The following PTPRO variants were observed in gnomAD, a reference collection of about 807,000 sequenced individuals.
PTPRO encodes protein tyrosine phosphatase receptor type O.
In PTPRO, 62 loss-of-function variants were observed where a neutral mutation model predicts 145.2. That is an observed-to-expected ratio of 0.43 (90% CI 0.35 to 0.53). The LOEUF (loss-of-function observed/expected upper bound fraction) is 0.53, where lower values mean the gene tolerates loss of function less well. Among genes scored for constraint, PTPRO ranks in the 20% least tolerant of loss-of-function variants. The pLI is 0.01. For missense variants in PTPRO, 1,345 were observed against 1,482.7 expected (o/e 0.91, Z 1.53); for synonymous variants, 565 against 514.7 (o/e 1.10, Z -1.32).
At chr12:15,369,220 C>T (rs1007175401) in intron 1 of PTPRO, among the ~76,000 whole-genome samples, 2 of 152,056 alleles carry the variant, frequency 1.3e-5, no homozygotes, top group African/African-American at 4.8e-5. Context: ...CAAGAAGGAA[C>T]GATTTCTTTG....
At chr12:15,422,089 A>C (rs966166426) in intron 1 of PTPRO, among the ~76,000 whole-genome samples, 1 of 152,194 alleles carries the variant, frequency 6.6e-6, no homozygotes, top group Admixed American at 6.5e-5. Context: ...GAATTGCTAA[A>C]TGAAACTTTG....
chr12:15,559,245 A>G (rs560189426), intron 16 of PTPRO, among the ~76,000 whole-genome samples: 1 of 152,340 alleles, frequency 6.6e-6, no homozygotes, highest in African/African-American at 2.4e-5. Context: ...GGATCTTTCT[A>G]TAAAATCAAG....
intron 6 of PTPRO, among the ~76,000 whole-genome samples, chr12:15,506,016 C>T (rs1942314195): frequency 6.6e-6 from 1 of 152,166 alleles, no homozygotes; most frequent in African/African-American, 2.4e-5. Context: ...AGTGACTTCC[C>T]CAAGTGTCAA....
intron 25 of PTPRO, 21 bp downstream of exon 25, chr12:15,589,611 T>C (rs1319921737): frequency 3.7e-6 from 6 of 1,613,454 alleles, no homozygotes; most frequent in Non-Finnish European, 4.2e-6. Context: ...AATCTATATG[T>C]ATTTTTAAAT....
At chr12:15,465,336 A>T (rs2136404387) in intron 1 of PTPRO, among the ~76,000 whole-genome samples, 1 of 152,376 alleles carries the variant, frequency 6.6e-6, no homozygotes. Flanking sequence ...TGAAATGAAG[A>T]TGAACGTGCA....
At chr12:15,549,367 A>G (rs2135556287) in intron 14 of PTPRO, 141 bp downstream of exon 14, 1 of 569,026 alleles carries the variant, frequency 1.8e-6, no homozygotes, top group Non-Finnish European at 2.7e-6. Context: ...TGCACTTACT[A>G]GCTATGGAGT....
chr12:15,546,257 G>C, intron 12 of PTPRO: 7 of 981,116 alleles, frequency 7.1e-6, no homozygotes, highest in Non-Finnish European at 8.9e-6. Flanking sequence ...GTATTATCAG[G>C]GCAATGCTAA....
At chr12:15,483,650 C>T (rs1234652706) in intron 1 of PTPRO, among the ~76,000 whole-genome samples, 1 of 152,046 alleles carries the variant, frequency 6.6e-6, no homozygotes, top group Non-Finnish European at 1.5e-5. Context: ...GTCAAAATGA[C>T]TCATTCATTA....
chr12:15,532,053 T>C (rs890288371), intron 12 of PTPRO, among the ~76,000 whole-genome samples: 3 of 152,178 alleles, frequency 2.0e-5, no homozygotes, highest in African/African-American at 7.2e-5. Context: ...AAAAATACGA[T>C]CTTTCCTCAA....
At position 15,518,142 on chromosome 12, in the gene PTPRO, C is replaced by G. The variant is rs139775526; in HGVS notation, c.1779+1186C>G. Among the ~76,000 whole-genome samples the G allele has an allele frequency of 5.8e-3, 878 of 152,324 alleles. 10 individuals are homozygous for G. Among genetic ancestry groups the G allele is most frequent in the African/African-American group, 0.02 (845 of 41,576 alleles). On this transcript the variant is annotated intron_variant, in intron 9 of 26. Transcript: ENST00000281171. ...AGGTGGAGGTTCCCAAACCTCAGTT[C>G]TTGACTCCTGTGCACCCACAGTCTC...
At chr12:15,476,164 G>GGTT (rs1430696852) in intron 1 of PTPRO, among the ~76,000 whole-genome samples, 1 of 152,050 alleles carries the variant, frequency 6.6e-6, no homozygotes, top group Non-Finnish European at 1.5e-5. Context: ...TGGTGGTGGT[G>GGTT]GTGGTGCCAG....
At chr12:15,327,708 C>T (rs1377723931) in intron 1 of PTPRO, among the ~76,000 whole-genome samples, 2 of 152,042 alleles carry the variant, frequency 1.3e-5, no homozygotes, top group Non-Finnish European at 2.9e-5. Context: ...ATTTGAGGAA[C>T]CCAAACAAGG....
intron 17 of PTPRO, 53 bp downstream of exon 17, chr12:15,560,329 A>G (rs777525323): frequency 1.3e-5 from 18 of 1,358,710 alleles, no homozygotes; most frequent in Non-Finnish European, 1.8e-5. Flanking sequence ...GTTAGCTTTC[A>G]AGAAGTAAAC....
intron 7 of PTPRO, among the ~76,000 whole-genome samples, chr12:15,513,018 GAAGAAAGA>G (rs763064619): frequency 7.0e-6 from 1 of 143,722 alleles, no homozygotes; most frequent in South Asian, 2.2e-4. Flanking sequence ...AAAGAAAAGA[GAAGAAAGA>G]AAGAAAGAGA....
rs533308007 is a variant in PTPRO at position 15,541,362 on chromosome 12, A to G, written c.2165-5207A>G. Among the ~76,000 whole-genome samples the G allele has an allele frequency of 5.9e-5, 9 of 152,274 alleles. No homozygotes were observed. The South Asian group carries it at 1.7e-3, about 28-fold the overall frequency. On this transcript the variant is annotated intron_variant, in intron 12 of 26. Coordinates refer to ENST00000281171, the MANE Select transcript of PTPRO (RefSeq NM_030667.3). ...GAAGACTGACTGTATTTGATATTTT[A>G]TAGGGTTTTTTCATCCCTCATGTGC...
chr12:15,351,923 CAT>C (rs577694447), intron 1 of PTPRO, among the ~76,000 whole-genome samples: 2 of 152,238 alleles, frequency 1.3e-5, no homozygotes, highest in South Asian at 4.1e-4. Context: ...TCAGGAAAAA[CAT>C]GTGATTTGCA....
chr12:15,571,878 A>T (rs1044481320), intron 19 of PTPRO, among the ~76,000 whole-genome samples: 14 of 152,218 alleles, frequency 9.2e-5, no homozygotes, highest in African/African-American at 3.1e-4. Flanking sequence ...ACCAAACCAT[A>T]AGCGATTAGC....
chr12:15,432,029 T>C (rs1940454810), intron 1 of PTPRO, among the ~76,000 whole-genome samples: 1 of 152,164 alleles, frequency 6.6e-6, no homozygotes, highest in Admixed American at 6.6e-5. Context: ...TTTAGGGGTA[T>C]GTGTGCAGGT....
chr12:15,528,287 C>A (rs77453821), intron 12 of PTPRO, among the ~76,000 whole-genome samples: 1 of 150,150 alleles, frequency 6.7e-6, no homozygotes, highest in Non-Finnish European at 1.5e-5. Flanking sequence ...GAGGCCAAGG[C>A]GGGCAGATCA....
Sources: gnomAD v4.1 joint callset for allele counts (sites outside exome capture counted in the v4.1 genomes callset) on GRCh38, gnomAD v4.1.1 for gene constraint, MANE v1.5 for transcripts, NCBI Gene and HGNC (gene_info 2026-07-23, HGNC 2026-07-21) for gene names.